Variants in HRAS observed in about 807,000 individuals in gnomAD.
HRAS encodes GTPase HRas.
Under a neutral mutation model 19.8 loss-of-function variants are expected in HRAS, and 11 were observed. The observed-to-expected ratio is 0.55, with a 90% confidence interval of 0.35 to 0.92. The LOEUF is 0.92. HRAS is among the 40% of genes least tolerant of loss of function. The pLI, the probability that HRAS is intolerant of heterozygous loss-of-function variation, is 0.01. For missense variants in HRAS, 204 were observed against 255.9 expected, an observed-to-expected ratio of 0.80 and a Z score of 1.38; for synonymous variants, 149 against 105.5, an observed-to-expected ratio of 1.41 and a Z score of -2.52.
intron 2 of HRAS, 32 bp downstream of exon 2, chr11:534,180 T>TG (rs1851312104): frequency 6.5e-7 from 1 of 1,545,254 alleles, no homozygotes. Context: ...CCGCAGCAGC[T>TG]GCTGGCACCT....
intron 1 of HRAS, 32 bp from the exon 2 acceptor site, chr11:534,407 AGGCCCAGCCC>A (rs1851329797): frequency 1.4e-6 from 1 of 709,930 alleles, no homozygotes; most frequent in African/African-American, 3.6e-5. Context: ...AGCCAGGCCC[AGGCCCAGCCC>A]CAGGCCCCAC....
chr11:534,161 T>C lies in HRAS; in HGVS notation c.111+51A>G, dbSNP rs1319057539. The C allele has an allele frequency of 5.5e-6, 8 of 1,448,824 alleles. No homozygotes were observed. In the African/African-American group the frequency reaches 7.0e-5, roughly 13 times the overall value. The allele number at this position is 1,448,824 out of a possible 1,614,324, so 89.7% of individuals were successfully genotyped here. Reference sequence around the variant, plus strand: ...AGCCAGCCCTATCCTGGCTGTGTCCTGGGCTCGCCCGCAGCAGCTGCTGGC... The same window carrying C: ...AGCCAGCCCTATCCTGGCTGTGTCCCGGGCTCGCCCGCAGCAGCTGCTGGC... On this transcript the variant is annotated intron_variant, in intron 2 of 5. Coordinates refer to ENST00000311189, the MANE Select transcript of HRAS (RefSeq NM_005343.4).
intron 4 of HRAS, 160 bp downstream of exon 4, chr11:533,293 G>A: frequency 1.3e-6 from 2 of 1,598,234 alleles, no homozygotes; most frequent in Non-Finnish European, 1.7e-6. Flanking sequence ...AGGGGCCGCT[G>A]GGTCACATGG....
At position 534,206 on chromosome 11, in the gene HRAS, G is replaced by A. The variant is rs377130570; in HGVS notation, c.111+6C>T. On this transcript the variant is annotated splice_donor_region_variant and intron_variant, in intron 2 of 5. Transcript: ENST00000311189. ...GCTGGCACCTGGACGGCGGCGCCAG[G>A]CTCACCTCTATAGTGGGGTCGTATT... 102 of 1,603,614 alleles carry A rather than the reference G, an allele frequency of 6.4e-5. No homozygotes were observed. The highest frequency in any genetic ancestry group is 8.0e-5 in the Non-Finnish European group (94 of 1,171,370).
In HRAS at chr11:532,895, A is replaced by G. The variant is rs550994842; in HGVS notation, c.451-140T>C. 1.8e-5 allele frequency: 15 copies of G among 841,032 alleles called. No individual in the cohort carries two copies. In the East Asian group the frequency reaches 3.1e-4, roughly 17 times the overall value. The allele number at this position is 841,032 out of a possible 1,614,324, so 52.1% of individuals were successfully genotyped here. A position where few individuals can be genotyped will look rare whatever the true frequency, so the allele number is the denominator to read the frequency against. ...CCACTTCCCCAGGCCCACCACACAC[A>G]CGGGAAGCTGGACTCTGGCCATCTC... On this transcript the variant is annotated intron_variant, in intron 4 of 5. Coordinates refer to ENST00000311189, the MANE Select transcript of HRAS (RefSeq NM_005343.4).
chr11:532,811 G>A (rs1444837904), intron 4 of HRAS, 56 bp from the exon 5 acceptor site: 1 of 1,559,848 alleles, frequency 6.4e-7, no homozygotes, highest in Non-Finnish European at 8.8e-7. Flanking sequence ...CTGCCTGGGT[G>A]AGGGGCTCCC....
rs375219797 is a variant in HRAS at position 532,607 on chromosome 11, G to A, written c.*5+24C>T. On this transcript the variant is annotated intron_variant, in intron 5 of 5. Coordinates refer to ENST00000311189, the MANE Select transcript of HRAS (RefSeq NM_005343.4). ...GCCGGGGTCATCCGGTGGGCGTGGCGGCCGCCCTGGGAGTCCCCCTCACCT... is the reference window on the plus strand; with the variant it reads ...GCCGGGGTCATCCGGTGGGCGTGGCAGCCGCCCTGGGAGTCCCCCTCACCT... 7.9e-4 allele frequency: 1,270 copies of A among 1,602,240 alleles called. No individual in the cohort carries two copies. Among genetic ancestry groups the A allele is most frequent in the Non-Finnish European group, 9.8e-4 (1,160 of 1,178,052 alleles).
rs776060230 is a variant in HRAS at position 533,301 on chromosome 11, TGGGTCCCGGGGGGTCCCAGA to T, written c.450+132_450+151del. Reference sequence around the variant, plus strand: ...CAGCGCGAGGGGCCGCTGGGTCACATGGGTCCCGGGGGGTCCCAGAGGGTCCCGGAGCTGGAGCTAGAGCC... The same window carrying T: ...CAGCGCGAGGGGCCGCTGGGTCACATGGGTCCCGGAGCTGGAGCTAGAGCC... On this transcript the variant is annotated intron_variant, in intron 4 of 5. Transcript: ENST00000311189. 1.0e-4 allele frequency: 160 copies of T among 1,600,458 alleles called. No individual in the cohort carries two copies. The highest frequency in any genetic ancestry group is 5.4e-4 in the East Asian group (24 of 44,774).
In HRAS at chr11:532,754, C is replaced by G. The variant is rs1362209698; in HGVS notation, c.452G>C (p.Gly151Ala). Residue 151 changes from glycine to alanine, a missense_variant and splice_region_variant, in exon 5 of 6, where the codon GGA (glycine) becomes GCA (alanine). Gly to Ala is a moderately conservative substitution (Grantham distance 60). Coordinates refer to ENST00000311189, the MANE Select transcript of HRAS (RefSeq NM_005343.4). ...YIETSAKTRQ[G>A]VEDAFYTLVR... is the part of the protein sequence containing the mutation. The stretch of plus-strand genomic sequence containing the variant: ...CAACGTGTAGAAGGCATCCTCCACT[C>G]CCTGGGAAAGGAGGGATGGGATCAG... 2.5e-6 allele frequency: 4 copies of G among 1,612,638 alleles called. No homozygotes were observed. Among genetic ancestry groups the G allele is most frequent in the Non-Finnish European group, 3.4e-6 (4 of 1,179,974 alleles).
intron 3 of HRAS, 56 bp from the exon 4 acceptor site, chr11:533,668 G>A: frequency 1.2e-6 from 2 of 1,612,722 alleles, no homozygotes; most frequent in Non-Finnish European, 1.7e-6. Context: ...GCGGCATCCA[G>A]GACATGCGCA....
intron 4 of HRAS, chr11:533,179 C>G (rs1851211801): frequency 8.7e-7 from 1 of 1,145,800 alleles, no homozygotes. Context: ...CCAAGGACCT[C>G]CGCCTTCCCC....
At chr11:533,714 C>T (rs2133989154) in intron 3 of HRAS, 52 bp downstream of exon 3, 4 of 1,611,540 alleles carry the variant, frequency 2.5e-6, no homozygotes, top group Middle Eastern at 1.7e-4. Context: ...ACGCAGCCGG[C>T]CTGGCCCCAC....
intron 4 of HRAS, chr11:533,200 C>T (rs545280222): frequency 3.7e-5 from 48 of 1,289,880 alleles, no homozygotes; most frequent in East Asian, 5.0e-5. Flanking sequence ...GGAGCTGTGT[C>T]GGCCCAGGAC....
At chr11:534,097 A>G in intron 2 of HRAS, 115 bp downstream of exon 2, 1 of 1,162,896 alleles carries the variant, frequency 8.6e-7, no homozygotes. Flanking sequence ...AGGAAGCAGG[A>G]GACAGGGCCA....
At position 532,646 on chromosome 11, in the gene HRAS, A is replaced by G. The variant is rs1851173673; in HGVS notation, c.560T>C (p.Val187Ala). 6.2e-7 allele frequency: 1 copy of G among 1,612,092 alleles called. No individual in the cohort carries two copies. The highest frequency in any genetic ancestry group is 8.5e-7 in the Non-Finnish European group (1 of 1,179,924). Residue 187 changes from valine to alanine, a missense_variant, in exon 5 of 6, where the codon GTG becomes GCG. By Grantham distance (64) the Val-to-Ala change is moderately conservative. Coordinates refer to ENST00000311189, the MANE Select transcript of HRAS (RefSeq NM_005343.4). ...TCCCCCTCACCTGCGTCAGGAGAGCACACACTTGCAGCTCATGCAGCCGGG... is the reference window on the plus strand; with the variant it reads ...TCCCCCTCACCTGCGTCAGGAGAGCGCACACTTGCAGCTCATGCAGCCGGG... ...SGPGCMSCKC[V>A]LS
At position 532,358 on chromosome 11, in the gene HRAS, C is replaced by G. The variant is rs1564787393; in HGVS notation, c.*170G>C. On this transcript the variant is annotated 3_prime_UTR_variant, in exon 6 of 6. Transcript: ENST00000311189. Reference sequence around the variant, plus strand: ...TGGCATTTGGGATGTTCAAGACAGTCTGTGCACAGCCTCCCTGGGAGGGTC... The same window carrying G: ...TGGCATTTGGGATGTTCAAGACAGTGTGTGCACAGCCTCCCTGGGAGGGTC... 1 of 563,556 alleles carries G rather than the reference C, an allele frequency of 1.8e-6. No individual in the cohort carries two copies. Among genetic ancestry groups the G allele is most frequent in the Non-Finnish European group, 3.2e-6 (1 of 313,156 alleles). The allele number at this position is 563,556 out of a possible 1,614,324, so 34.9% of individuals were successfully genotyped here. A position where few individuals can be genotyped will look rare whatever the true frequency, so the allele number is the denominator to read the frequency against.
At chr11:532,907 A>T in intron 4 of HRAS, 152 bp from the exon 5 acceptor site, 1 of 813,334 alleles carries the variant, frequency 1.2e-6, no homozygotes, top group Non-Finnish European at 2.1e-6. Context: ...GGGAAGCTGG[A>T]CTCTGGCCAT....
At position 532,769 on chromosome 11, in the gene HRAS, G is replaced by A. The variant is rs367678988; in HGVS notation, c.451-14C>T. ...ATCCTCCACTCCCTGGGAAAGGAGG[G>A]ATGGGATCAGGAGGGACCGGCCTGT... On this transcript the variant is annotated splice_polypyrimidine_tract_variant and intron_variant, in intron 4 of 5. Transcript: ENST00000311189. 5.0e-6 allele frequency: 8 copies of A among 1,611,364 alleles called. No homozygotes were observed. Among genetic ancestry groups the A allele is most frequent in the African/African-American group, 1.3e-5 (1 of 74,930 alleles).
rs748729430 is a variant in HRAS, at chr11:532,724, C to T, written c.482G>A (p.Arg161His). The change falls in exon 5 of 6, where the codon CGT (arginine) becomes CAT (histidine). Residue 161 changes from arginine (R) to histidine (H), a missense_variant. Coordinates refer to ENST00000311189, the MANE Select transcript of HRAS (RefSeq NM_005343.4). Reference protein sequence around the residue: ...GVEDAFYTLVREIRQHKLRKL... With the variant: ...GVEDAFYTLVHEIRQHKLRKL... ...CCGCAGCTTGTGCTGCCGGATCTCA[C>T]GCACCAACGTGTAGAAGGCATCCTC... 7.4e-6 allele frequency: 12 copies of T among 1,612,994 alleles called. No homozygotes were observed. Among genetic ancestry groups the T allele is most frequent in the East Asian group, 6.7e-5 (3 of 44,894 alleles).
Sources: allele counts gnomAD v4.1 joint callset, GRCh38; gene constraint gnomAD v4.1.1; transcripts MANE v1.5; gene names NCBI Gene and HGNC (gene_info 2026-07-23, HGNC 2026-07-21).